Variants in ZNF526 observed in about 807,000 individuals in gnomAD.
ZNF526 encodes the protein zinc finger protein 526.
A neutral mutation model predicts 32.4 loss-of-function variants in ZNF526; 16 were observed. The observed-to-expected ratio is 0.49, with a 90% confidence interval of 0.33 to 0.75. The LOEUF is 0.75. ZNF526 is among the 30% of genes least tolerant of loss of function. The pLI, the probability that ZNF526 is intolerant of heterozygous loss-of-function variation, is 0.02. For missense variants in ZNF526, 838 were observed against 920.7 expected, an observed-to-expected ratio of 0.91 and a Z score of 1.16; for synonymous variants, 355 against 363.4, an observed-to-expected ratio of 0.98 and a Z score of 0.26.
rs1014885853 is a variant in ZNF526 at position 42,224,848 on chromosome 19, T to C, written c.445T>C (p.Phe149Leu). The C allele has an allele frequency of 1.2e-6, 2 of 1,613,678 alleles. No individual in the cohort carries two copies. Among genetic ancestry groups the C allele is most frequent in the Non-Finnish European group, 1.7e-6 (2 of 1,179,990 alleles). The change falls in exon 3 of 3, where the codon TTC becomes CTC. Residue 149 changes from phenylalanine to leucine, a missense_variant. Physicochemically the swap from Phe to Leu is conservative, Grantham distance 22 (BLOSUM62 0). Coordinates refer to ENST00000301215, the MANE Select transcript of ZNF526 (RefSeq NM_133444.3). ...QYQCWDCQEL[F>L]PSPELWVAHR... ...CCAGTGCTGGGACTGCCAGGAGCTG[T>C]TCCCCTCGCCCGAGCTGTGGGTGGC... is the stretch of plus-strand genomic sequence containing the variant.
chr19:42,223,586 A>G (rs1223028180), intron 1 of ZNF526, among the ~76,000 whole-genome samples: 1 of 152,104 alleles, frequency 6.6e-6, no homozygotes, highest in Non-Finnish European at 1.5e-5. Context: ...GCTTGCAGTG[A>G]GCAGAGATTG....
rs1330072027 is a variant in ZNF526 at position 42,226,394 on chromosome 19, A to T, written c.1991A>T (p.Gln664Leu). 1 of 1,614,100 alleles carries T rather than the reference A, an allele frequency of 6.2e-7. No individual in the cohort carries two copies. The highest frequency in any genetic ancestry group is 8.5e-7 in the Non-Finnish European group (1 of 1,180,056). ...GCCAGTGAAGCAGGCGGGCTCTTGC[A>T]GTTGGACACGGCCTTCGTGTGACGC... ...LGASEAGGLL[Q>L]LDTAFV Residue 664 changes from glutamine (Q) to leucine (L), a missense_variant, in exon 3 of 3, where the codon CAG (glutamine) becomes CTG (leucine). Coordinates refer to ENST00000301215, the MANE Select transcript of ZNF526 (RefSeq NM_133444.3).
In ZNF526 at chr19:42,225,738, A is replaced by C; in HGVS notation, c.1335A>C (p.Pro445=). The C allele has an allele frequency of 1.6e-6, 2 of 1,273,704 alleles. No homozygotes were observed. The highest frequency in any genetic ancestry group is 2.1e-6 in the Non-Finnish European group (2 of 969,552). 78.9% of individuals were successfully genotyped at this position (1,273,704 alleles called of 1,614,324 possible). A position where few individuals can be genotyped will look rare whatever the true frequency, so the allele number is the denominator to read the frequency against. The part of the protein sequence containing the change: ...PPAPPAQLPC[P]QCSKSFASAS... Reference sequence around the variant, plus strand: ...CCCCACCTGCCCAGCTGCCCTGCCCACAGTGCTCCAAGTCCTTTGCCTCAG... The same window carrying C: ...CCCCACCTGCCCAGCTGCCCTGCCCCCAGTGCTCCAAGTCCTTTGCCTCAG... The change falls in exon 3 of 3, where the codon CCA becomes CCC. Residue 445 remains proline (P), a synonymous_variant. Transcript: ENST00000301215.
Position 42,224,256 on chromosome 19 carries a change from CG to C in ZNF526, c.-65del. The C allele has an allele frequency of 8.2e-6, 6 of 728,464 alleles. No homozygotes were observed. In the South Asian group the frequency reaches 9.2e-5, roughly 11 times the overall value. 45.1% of individuals were successfully genotyped at this position (728,464 alleles called of 1,614,324 possible). On this transcript the variant is annotated 5_prime_UTR_variant, in exon 2 of 3. An upstream open reading frame in the 5' UTR loses its in-frame stop. Coordinates refer to ENST00000301215, the MANE Select transcript of ZNF526 (RefSeq NM_133444.3). Reference sequence around the variant, plus strand: ...TGTAGGCTTCAGAGACATGGGATCACGGAAGACTGAAGCAGAAACAGTGGAT... The same window carrying C: ...TGTAGGCTTCAGAGACATGGGATCACGAAGACTGAAGCAGAAACAGTGGAT...
chr19:42,220,490 C>T (rs1231676266), intron 1 of ZNF526, 103 bp downstream of exon 1: 1 of 152,342 alleles, frequency 6.6e-6, no homozygotes, highest in African/African-American at 2.4e-5. Context: ...GCCTTGGGGC[C>T]TGCGCTAGGG....
At chr19:42,224,038 A>G (rs965296231) in intron 1 of ZNF526, among the ~76,000 whole-genome samples, 177 bp from the exon 2 acceptor site, 2 of 146,638 alleles carry the variant, frequency 1.4e-5, no homozygotes, top group Non-Finnish European at 3.0e-5. Flanking sequence ...ACACCCCTGT[A>G]GTCCCGGCCA....
chr19:42,225,399 T>G lies in ZNF526; in HGVS notation c.996T>G (p.His332Gln), dbSNP rs765099286. The G allele has an allele frequency of 6.2e-7, 1 of 1,614,014 alleles. No individual in the cohort carries two copies. The highest frequency in any genetic ancestry group is 1.1e-5 in the South Asian group (1 of 91,088). Residue 332 changes from histidine (H) to glutamine (Q), a missense_variant, in exon 3 of 3, where the codon CAT becomes CAG. Coordinates refer to ENST00000301215, the MANE Select transcript of ZNF526 (RefSeq NM_133444.3). ...AHGRAHVGGT[H>Q]ECTTCSKVFK... The stretch of plus-strand genomic sequence containing the variant: ...GGCGGGCCCATGTTGGTGGCACACA[T>G]GAGTGTACAACCTGCTCCAAGGTCT...
At chr19:42,222,127 T>TGC (rs2036131434) in intron 1 of ZNF526, among the ~76,000 whole-genome samples, 1 of 150,790 alleles carries the variant, frequency 6.6e-6, no homozygotes, top group African/African-American at 2.4e-5. Flanking sequence ...TCACTCTGTC[T>TGC]CCAGGCTGGA....
rs2036178379 is a variant in ZNF526, at chr19:42,226,163, G to T, written c.1760G>T (p.Gly587Val). The T allele has an allele frequency of 1.9e-6, 3 of 1,607,670 alleles. No individual in the cohort carries two copies. Among genetic ancestry groups the T allele is most frequent in the Non-Finnish European group, 2.5e-6 (3 of 1,180,000 alleles). ...GGCCGCTGGTTCCGCGCCATGGCGG[G>T]CTTGCGACTGCATCAGCGGGTCCAT... is the stretch of plus-strand genomic sequence containing the variant. ...TCGRWFRAMAGLRLHQRVHAR... is the reference protein window; with the variant it reads ...TCGRWFRAMAVLRLHQRVHAR... Residue 587 changes from glycine to valine, a missense_variant, in exon 3 of 3, where the codon GGC becomes GTC. Coordinates refer to ENST00000301215, the MANE Select transcript of ZNF526 (RefSeq NM_133444.3).
intron 1 of ZNF526, chr19:42,220,610 C>G (rs1337319494): frequency 6.6e-6 from 1 of 152,180 alleles, no homozygotes; most frequent in Non-Finnish European, 1.5e-5. Flanking sequence ...GCTGCGAGCT[C>G]TCACCCTGCC....
At chr19:42,221,198 A>G (rs1231828923) in intron 1 of ZNF526, among the ~76,000 whole-genome samples, 3 of 152,236 alleles carry the variant, frequency 2.0e-5, no homozygotes, top group Non-Finnish European at 4.4e-5. Context: ...GCATAGGGAC[A>G]GTTAAACTCA....
rs1273286896 is a variant in ZNF526 at position 42,223,978 on chromosome 19, T to A, written c.-108-237T>A. ...GTGAAACCTTGTCTCTACTAAAATATATATATATATATATATATATATATA... is the reference window on the plus strand; with the variant it reads ...GTGAAACCTTGTCTCTACTAAAATAAATATATATATATATATATATATATA... On this transcript the variant is annotated intron_variant, in intron 1 of 2. Coordinates refer to ENST00000301215, the MANE Select transcript of ZNF526 (RefSeq NM_133444.3). Among the ~76,000 whole-genome samples, 455 of 118,214 alleles carry A rather than the reference T, an allele frequency of 3.8e-3. 4 individuals carry two copies. Among genetic ancestry groups the A allele is most frequent in the African/African-American group, 0.015 (439 of 28,956 alleles). The allele number at this position is 118,214 out of a possible 152,430, so 77.6% of individuals were successfully genotyped here.
Position 42,224,680 on chromosome 19 carries a change from A to G in ZNF526, c.277A>G (p.Asn93Asp), listed in dbSNP as rs755899576. The change falls in exon 3 of 3, where the codon AAT becomes GAT. Residue 93 changes from asparagine to aspartate, a missense_variant. Coordinates refer to ENST00000301215, the MANE Select transcript of ZNF526 (RefSeq NM_133444.3). ...VSEEEALTTQ[N>D]VGLEPELVPG... ...AGAGGAGGAGGCACTGACCACACAG[A>G]ATGTTGGCCTGGAGCCGGAGCTGGT... 6.8e-6 allele frequency: 11 copies of G among 1,614,004 alleles called. No individual in the cohort carries two copies. The highest frequency in any genetic ancestry group is 8.5e-6 in the Non-Finnish European group (10 of 1,180,034).
At position 42,225,075 on chromosome 19, in the gene ZNF526, G is replaced by C. The variant is rs759677792; in HGVS notation, c.672G>C (p.Glu224Asp). ...EHQGTHFDSLEKEERNGLEEE... is the reference protein window; with the variant it reads ...EHQGTHFDSLDKEERNGLEEE... ...AGGGCACCCACTTTGACTCCCTAGA[G>C]AAAGAGGAGCGCAATGGGTTGGAGG... is the stretch of plus-strand genomic sequence containing the variant. The change falls in exon 3 of 3, where the codon GAG (glutamate) becomes GAC (aspartate). Residue 224 changes from glutamate (E) to aspartate (D), a missense_variant. By Grantham distance (45) the Glu-to-Asp change is conservative. Transcript: ENST00000301215. The C allele has an allele frequency of 1.2e-6, 2 of 1,614,112 alleles. No individual in the cohort carries two copies. The highest frequency in any genetic ancestry group is 8.5e-7 in the Non-Finnish European group (1 of 1,180,042).
Position 42,225,208 on chromosome 19 carries a change from G to C in ZNF526, c.805G>C (p.Ala269Pro), listed in dbSNP as rs760795893. 2 of 1,614,082 alleles carry C rather than the reference G, an allele frequency of 1.2e-6. No homozygotes were observed. The highest frequency in any genetic ancestry group is 3.3e-5 in the Admixed American group (2 of 60,012). ...DDAVGGDEST[A>P]GWAQGCGDCP... Reference sequence around the variant, plus strand: ...TGCTGTGGGAGGTGACGAGTCCACAGCTGGCTGGGCTCAGGGCTGCGGGGA... The same window carrying C: ...TGCTGTGGGAGGTGACGAGTCCACACCTGGCTGGGCTCAGGGCTGCGGGGA... The change falls in exon 3 of 3, where the codon GCT becomes CCT. Residue 269 changes from alanine (A) to proline (P), a missense_variant. By Grantham distance (27) the Ala-to-Pro change is conservative (BLOSUM62 -1). Transcript: ENST00000301215.
rs1287361958 is a variant in ZNF526 at position 42,226,121 on chromosome 19, A to C, written c.1718A>C (p.Tyr573Ser). ...ACTGGTCTCTACAACAAGAGTCCCT[A>C]CTACTGCGGGACTTGTGGCCGCTGG... ...PITGLYNKSP[Y>S]YCGTCGRWFR... Residue 573 changes from tyrosine (Y) to serine (S), a missense_variant, in exon 3 of 3, where the codon TAC (tyrosine) becomes TCC (serine). Coordinates refer to ENST00000301215, the MANE Select transcript of ZNF526 (RefSeq NM_133444.3). The C allele has an allele frequency of 6.2e-7, 1 of 1,606,106 alleles. No individual in the cohort carries two copies. The highest frequency in any genetic ancestry group is 8.5e-7 in the Non-Finnish European group (1 of 1,179,976).
At chr19:42,222,124 G>A (rs867938060) in intron 1 of ZNF526, among the ~76,000 whole-genome samples, 14 of 146,352 alleles carry the variant, frequency 9.6e-5, no homozygotes, top group Middle Eastern at 7.2e-3. Flanking sequence ...GTCTCACTCT[G>A]TCTCCAGGCT....
At position 42,224,580 on chromosome 19, in the gene ZNF526, C is replaced by T; in HGVS notation, c.177C>T (p.Cys59=). ...TCTTCCAGCATCACCAGTTCATGTG[C>T]TCTGAGTGTGGCAGCCTCTATAACA... The part of the protein sequence containing the change: ...SLFFQHHQFM[C]SECGSLYNTL... The change falls in exon 3 of 3, where the codon TGC becomes TGT. Residue 59 remains cysteine, a synonymous_variant. Coordinates refer to ENST00000301215, the MANE Select transcript of ZNF526 (RefSeq NM_133444.3). The T allele has an allele frequency of 1.2e-6, 2 of 1,614,258 alleles. No individual in the cohort carries two copies. The highest frequency in any genetic ancestry group is 1.7e-6 in the Non-Finnish European group (2 of 1,180,042).
Position 42,225,445 on chromosome 19 carries a change from G to T in ZNF526, c.1042G>T (p.Glu348Ter). Residue 348 changes from glutamate (E) to a stop codon, truncating the protein, a stop_gained, in exon 3 of 3, where the codon GAG becomes TAG. Transcript: ENST00000301215. LOFTEE classifies it high-confidence loss of function. ...GGTCTTCAAGAAAGCAGCATCGCTTGAGCAGCACTTGCGGCTGCATCGCGG... is the reference window on the plus strand; with the variant it reads ...GGTCTTCAAGAAAGCAGCATCGCTTTAGCAGCACTTGCGGCTGCATCGCGG... The part of the protein sequence containing the change: ...SKVFKKAASL[E>*]QHLRLHRGEA... 1 of 1,614,194 alleles carries T rather than the reference G, an allele frequency of 6.2e-7. No homozygotes were observed. The highest frequency in any genetic ancestry group is 1.1e-5 in the South Asian group (1 of 91,088).
Sources: allele counts gnomAD v4.1 joint callset (sites outside exome capture counted in the v4.1 genomes callset), GRCh38; gene constraint gnomAD v4.1.1; transcripts MANE v1.5; gene names NCBI Gene and HGNC (gene_info 2026-07-23, HGNC 2026-07-21).